The following GLIS3 variants were observed in gnomAD, a reference collection of about 807,000 sequenced individuals.
GLIS3 encodes the protein zinc finger protein GLIS3.
In GLIS3, 53 loss-of-function variants were observed where a neutral mutation model predicts 78.6. The ratio of observed to expected loss-of-function variants is 0.67; its 90% CI spans 0.54 to 0.85. GLIS3 has a LOEUF of 0.85. Among genes scored for constraint, GLIS3 ranks in the 40% least tolerant of loss-of-function variants. The probability of loss-of-function intolerance (pLI) is 0.00; values close to 1 mark genes in which losing one functional copy is unlikely to be tolerated. For missense variants in GLIS3, 1,703 were observed against 1,231.1 expected (o/e 1.38, Z -5.74); for synonymous variants, 684 against 509.9 (o/e 1.34, Z -4.60).
intron 4 of GLIS3, among the ~76,000 whole-genome samples, chr9:4,100,159 G>C (rs1451335050): frequency 6.6e-6 from 1 of 152,222 alleles, no homozygotes; most frequent in Non-Finnish European, 1.5e-5. Context: ...CGGTAAAAGA[G>C]TTCCTAGAAC....
the GLIS3 span, among the ~76,000 whole-genome samples, chr9:4,436,711 C>T: frequency 6.9e-6 from 1 of 145,714 alleles, no homozygotes; most frequent in South Asian, 2.1e-4. Flanking sequence ...GAGGCTGAGG[C>T]AGGAGAATTG....
intron 9 of GLIS3, among the ~76,000 whole-genome samples, chr9:3,845,418 G>C (rs1295553352): frequency 6.6e-6 from 1 of 152,156 alleles, no homozygotes; most frequent in African/African-American, 2.4e-5. Flanking sequence ...AGGTCTAAAA[G>C]AATACTTGCC....
intron 4 of GLIS3, among the ~76,000 whole-genome samples, chr9:4,078,210 A>G (rs192070800): frequency 6.6e-6 from 1 of 152,288 alleles, no homozygotes; most frequent in Non-Finnish European, 1.5e-5. Context: ...TTTCAATATA[A>G]TCCTTTTTGC....
rs747696426 is a variant in GLIS3 at position 4,285,983 on chromosome 9, T to C, written c.388+55A>G. 6.2e-6 allele frequency: 10 copies of C among 1,600,714 alleles called. No individual in the cohort carries two copies. In the African/African-American group the frequency reaches 6.7e-5, roughly 11 times the overall value. On this transcript the variant is annotated intron_variant, in intron 2 of 10. Transcript: ENST00000381971. ...TAGGATTTGCTGGCAGAAAATGGGA[T>C]GGGGGAGAAAAAAATCGTTTCCATT...
At chr9:3,855,601 C>G in intron 9 of GLIS3, 1 of 272,068 alleles carries the variant, frequency 3.7e-6, no homozygotes, top group South Asian at 4.2e-5. Context: ...GTCATTCCAC[C>G]TGCGCCTTGA....
intron 2 of GLIS3, among the ~76,000 whole-genome samples, chr9:4,215,283 C>G (rs931256366): frequency 6.6e-6 from 1 of 152,050 alleles, no homozygotes; most frequent in Non-Finnish European, 1.5e-5. Flanking sequence ...TTATTGGCCA[C>G]AGTTTTGCCT....
the GLIS3 span, among the ~76,000 whole-genome samples, chr9:4,361,444 A>G: frequency 2.2e-4 from 34 of 152,300 alleles, no homozygotes; most frequent in African/African-American, 6.3e-4. Context: ...GTGGAACCCA[A>G]TCTAAGACAA....
the GLIS3 span, among the ~76,000 whole-genome samples, chr9:4,481,830 C>T: frequency 6.6e-6 from 1 of 152,196 alleles, no homozygotes; most frequent in African/African-American, 2.4e-5. Context: ...AATTGCCTAA[C>T]TGTCCTCAGA....
At chr9:4,069,550 C>A (rs562446661) in intron 4 of GLIS3, among the ~76,000 whole-genome samples, 1 of 152,168 alleles carries the variant, frequency 6.6e-6, no homozygotes, top group Non-Finnish European at 1.5e-5. Flanking sequence ...ACTAAGGTTT[C>A]TTTTTAACTT....
chr9:4,008,454 C>T (rs551320638), intron 4 of GLIS3, among the ~76,000 whole-genome samples: 4 of 152,284 alleles, frequency 2.6e-5, no homozygotes, highest in Admixed American at 2.0e-4. Flanking sequence ...TCCCAGTGTA[C>T]ATTCAAAATC....
At chr9:4,044,798 T>C (rs1158086819) in intron 4 of GLIS3, among the ~76,000 whole-genome samples, 1 of 152,238 alleles carries the variant, frequency 6.6e-6, no homozygotes, top group Non-Finnish European at 1.5e-5. Context: ...TAACACAGAC[T>C]CTTCACTTTC....
intron 2 of GLIS3, among the ~76,000 whole-genome samples, chr9:4,218,189 C>T (rs962363909): frequency 6.6e-6 from 1 of 152,196 alleles, no homozygotes; most frequent in African/African-American, 2.4e-5. Flanking sequence ...TATCAATCAG[C>T]GAGTCTTTGA....
intron 6 of GLIS3, among the ~76,000 whole-genome samples, chr9:3,918,247 T>A (rs541302536): frequency 2.0e-5 from 3 of 152,232 alleles, no homozygotes; most frequent in Non-Finnish European, 4.4e-5. Context: ...AGTGTTTGGC[T>A]GTCCTTGCAC....
At chr9:3,834,857 C>T (rs1329957895) in intron 9 of GLIS3, among the ~76,000 whole-genome samples, 1 of 152,228 alleles carries the variant, frequency 6.6e-6, no homozygotes, top group Admixed American at 6.5e-5. Context: ...CTCCAACCCT[C>T]CTAGAGGTAC....
intron 4 of GLIS3, among the ~76,000 whole-genome samples, chr9:4,068,991 G>A (rs1827353588): frequency 6.6e-6 from 1 of 152,070 alleles, no homozygotes; most frequent in African/African-American, 2.4e-5. Flanking sequence ...CCCTACCCAT[G>A]GAGAACTAAG....
At chr9:4,462,620 C>CAG in the GLIS3 span, among the ~76,000 whole-genome samples, 113 of 142,470 alleles carry the variant, frequency 7.9e-4, no homozygotes, top group South Asian at 9.3e-3. Flanking sequence ...CACACACACA[C>CAG]ACACACACAC....
At chr9:4,426,696 G>C in the GLIS3 span, among the ~76,000 whole-genome samples, 1 of 152,200 alleles carries the variant, frequency 6.6e-6, no homozygotes, top group Non-Finnish European at 1.5e-5. Flanking sequence ...TCTGAAACTA[G>C]AATGATTGGG....
intron 4 of GLIS3, among the ~76,000 whole-genome samples, chr9:4,000,779 C>G (rs1821075607): frequency 6.6e-6 from 1 of 152,246 alleles, no homozygotes; most frequent in African/African-American, 2.4e-5. Flanking sequence ...ATGCCCAAGC[C>G]CATAGCTGAG....
At chr9:4,184,213 G>C (rs1817572536) in intron 2 of GLIS3, among the ~76,000 whole-genome samples, 1 of 152,122 alleles carries the variant, frequency 6.6e-6, no homozygotes, top group Non-Finnish European at 1.5e-5. Flanking sequence ...AATGTGGAGG[G>C]CATGGCTTAA....
Sources: allele counts gnomAD v4.1 joint callset (sites outside exome capture counted in the v4.1 genomes callset), GRCh38; gene constraint gnomAD v4.1.1; transcripts MANE v1.5; gene names NCBI Gene and HGNC (gene_info 2026-07-23, HGNC 2026-07-21).